Variants in PFKL observed in about 807,000 individuals in gnomAD.
PFKL encodes ATP-dependent 6-phosphofructokinase, liver type.
Under a neutral mutation model 92.1 loss-of-function variants are expected in PFKL, and 74 were observed. The ratio of observed to expected loss-of-function variants is 0.80; its 90% CI spans 0.67 to 0.97. The LOEUF (loss-of-function observed/expected upper bound fraction) is 0.97. Among genes scored for constraint, PFKL ranks in the 50% least tolerant of loss-of-function variants. The pLI, the probability that PFKL is intolerant of heterozygous loss-of-function variation, is 0.00. For synonymous variants in PFKL, 494 were observed against 456.4 expected (o/e 1.08, Z -1.05); for missense variants, 1,028 against 1,116.6 (o/e 0.92, Z 1.13).
At chr21:44,312,076 T>G in intron 3 of PFKL, 29 bp from the exon 4 acceptor site, 1 of 1,417,546 alleles carries the variant, frequency 7.1e-7, no homozygotes, top group Non-Finnish European at 9.2e-7. Flanking sequence ...CTGCCATCTC[T>G]CCTGAAGTTT....
At chr21:44,323,071 A>G (rs1311560615) in intron 15 of PFKL, 22 bp downstream of exon 15, 1 of 1,058,122 alleles carries the variant, frequency 9.5e-7, no homozygotes, top group East Asian at 6.1e-5. Context: ...CCACGGACGA[A>G]AAAGCCCCAG....
At chr21:44,319,890 C>T (rs953838023) in intron 11 of PFKL, 194 bp from the exon 12 acceptor site, 6 of 568,430 alleles carry the variant, frequency 1.1e-5, no homozygotes, top group African/African-American at 3.8e-5. Flanking sequence ...GGCGTGGCCT[C>T]GTGTTGTGTT....
Position 44,326,898 on chromosome 21 carries a change from C to G in PFKL, c.*36C>G. On this transcript the variant is annotated 3_prime_UTR_variant, in exon 22 of 22. Transcript: ENST00000349048. ...GCCCACGCCCCTCCCCAGCCCCCAC[C>G]CATGCCAGCGCAGCGCCAGGGCTCA... 1 of 1,567,538 alleles carries G rather than the reference C, an allele frequency of 6.4e-7. No homozygotes were observed. The highest frequency in any genetic ancestry group is 8.7e-7 in the Non-Finnish European group (1 of 1,151,170).
Position 44,326,212 on chromosome 21 carries a change from A to G in PFKL, c.2143A>G (p.Lys715Glu), listed in dbSNP as rs549342348. Residue 715 changes from lysine (K) to glutamate (E), a missense_variant, in exon 21 of 22, where the codon AAG becomes GAG. Transcript: ENST00000349048. The part of the protein sequence containing the change: ...DSACVIGLKK[K>E]AVAFSPVTEL... ...GGCCTGCGTGATCGGCCTGAAGAAG[A>G]AGGCGGTGGCCTTCAGCCCCGTCAC... 4.3e-5 allele frequency: 69 copies of G among 1,613,112 alleles called. No individual in the cohort carries two copies. Among genetic ancestry groups the G allele is most frequent in the East Asian group, 1.3e-4 (6 of 44,866 alleles).
intron 1 of PFKL, chr21:44,305,782 G>A (rs540235720): frequency 4.8e-5 from 66 of 1,366,328 alleles, no homozygotes; most frequent in African/African-American, 2.4e-4. Context: ...CGCCTCCCCC[G>A]TTAATGTCCC....
At chr21:44,323,689 G>T in intron 15 of PFKL, 77 bp from the exon 16 acceptor site, 1 of 1,478,568 alleles carries the variant, frequency 6.8e-7, no homozygotes, top group South Asian at 1.2e-5. Flanking sequence ...AGGGCTGGGC[G>T]GCCGCCGGCA....
chr21:44,307,744 G>A (rs533490680), intron 2 of PFKL, among the ~76,000 whole-genome samples: 1 of 126,098 alleles, frequency 7.9e-6, no homozygotes, highest in South Asian at 2.4e-4. Flanking sequence ...GCCAGTATTG[G>A]ATTAGGAAGC....
intron 1 of PFKL, 60 bp from the exon 2 acceptor site, chr21:44,306,620 GA>G (rs2040954255): frequency 2.5e-5 from 36 of 1,459,676 alleles, no homozygotes; most frequent in South Asian, 3.6e-5. Flanking sequence ...CTGAGATGGG[GA>G]GGGTGTCCAG....
chr21:44,305,456 AGGGC>A, intron 1 of PFKL: 3 of 629,624 alleles, frequency 4.8e-6, no homozygotes, highest in Non-Finnish European at 7.4e-6. Context: ...GGGGGGTGGG[AGGGC>A]AGGGGCTTTT....
rs775176445 is a variant in PFKL, at chr21:44,326,808, A to G, written c.2289A>G (p.Ser763=). The G allele has an allele frequency of 6.2e-7, 1 of 1,606,938 alleles. No individual in the cohort carries two copies. The highest frequency in any genetic ancestry group is 2.2e-5 in the East Asian group (1 of 44,606). ...GCATCAGTATGGCCGCCTACGTGTC[A>G]GGGGAGCTGGAGCACGTGACCCGCC... ...QYRISMAAYV[S]GELEHVTRRT... The change falls in exon 22 of 22, where the codon TCA becomes TCG. Residue 763 remains serine (S), a synonymous_variant. Coordinates refer to ENST00000349048, the MANE Select transcript of PFKL (RefSeq NM_002626.6).
At chr21:44,311,357 TGCACACAGACACACAGACGC>T (rs1311999510) in intron 3 of PFKL, among the ~76,000 whole-genome samples, 3 of 142,560 alleles carry the variant, frequency 2.1e-5, no homozygotes, top group Non-Finnish European at 4.5e-5. Flanking sequence ...CACACAGACG[TGCACACAGACACACAGACGC>T]GCACACAGAC....
In PFKL at chr21:44,313,252, C is replaced by G. The variant is rs942136506; in HGVS notation, c.593+109C>G. The G allele has an allele frequency of 2.4e-5, 30 of 1,264,584 alleles. No homozygotes were observed. In the Admixed American group the frequency reaches 5.0e-4, roughly 21 times the overall value. 78.3% of individuals were successfully genotyped at this position (1,264,584 alleles called of 1,614,324 possible). A position where few individuals can be genotyped will look rare whatever the true frequency, so the allele number is the denominator to read the frequency against. On this transcript the variant is annotated intron_variant, in intron 5 of 21. Coordinates refer to ENST00000349048, the MANE Select transcript of PFKL (RefSeq NM_002626.6). The stretch of plus-strand genomic sequence containing the variant: ...GCAAGGGCAGTGGACTCTGGTAGCC[C>G]CAGCATCCAGGCCAGCCGCCCTCAG...
intron 7 of PFKL, 98 bp downstream of exon 7, chr21:44,314,119 CTCATGGGTTCA>C: frequency 1.3e-6 from 1 of 796,648 alleles, no homozygotes; most frequent in Non-Finnish European, 2.1e-6. Context: ...TCATCTATCA[CTCATGGGTTCA>C]TCAGCAGCTG....
intron 2 of PFKL, among the ~76,000 whole-genome samples, chr21:44,309,236 G>A (rs1412442140): frequency 6.6e-6 from 1 of 152,140 alleles, no homozygotes; most frequent in Non-Finnish European, 1.5e-5. Context: ...TGTTAGGGCA[G>A]AAAGGGAGGG....
intron 1 of PFKL, chr21:44,304,467 C>T: frequency 4.2e-6 from 5 of 1,195,536 alleles, no homozygotes; most frequent in Non-Finnish European, 5.3e-6. Flanking sequence ...TGGGCTTGGA[C>T]CTGTGGTGGG....
chr21:44,302,516 C>T (rs8129860), intron 1 of PFKL, among the ~76,000 whole-genome samples: 3,334 of 152,322 alleles, frequency 0.022, 119 homozygotes, highest in African/African-American at 0.075. Context: ...GCTCTGTTTT[C>T]CTTCTCGGGG....
chr21:44,307,166 C>A, intron 2 of PFKL: 2 of 535,944 alleles, frequency 3.7e-6, no homozygotes, highest in Non-Finnish European at 4.8e-6. Flanking sequence ...CGCCTCTGCC[C>A]TTGTCCTCCC....
intron 1 of PFKL, among the ~76,000 whole-genome samples, chr21:44,303,155 A>G (rs1283667975): frequency 6.6e-6 from 1 of 151,864 alleles, no homozygotes; most frequent in Admixed American, 6.6e-5. Context: ...AATCGCTTGA[A>G]CCAGGAGGTG....
intron 3 of PFKL, among the ~76,000 whole-genome samples, chr21:44,311,802 A>G (rs1004786694): frequency 6.6e-5 from 10 of 152,138 alleles, no homozygotes; most frequent in Admixed American, 2.0e-4. Flanking sequence ...GTGCACGCAC[A>G]TGTGTGTGGC....
Sources: gnomAD v4.1 joint callset for allele counts (sites outside exome capture counted in the v4.1 genomes callset) on GRCh38, gnomAD v4.1.1 for gene constraint, MANE v1.5 for transcripts, NCBI Gene and HGNC (gene_info 2026-07-23, HGNC 2026-07-21) for gene names.